The following MAB21L4 variants were observed in gnomAD, a reference collection of about 807,000 sequenced individuals.
MAB21L4 encodes the protein mab-21 like 4.
In MAB21L4, 25 loss-of-function variants were observed where a neutral mutation model predicts 32.4. The ratio of observed to expected loss-of-function variants is 0.77; its 90% CI spans 0.56 to 1.08. The LOEUF is 1.08. Among genes scored for constraint, MAB21L4 ranks in the 50% least tolerant of loss-of-function variants. MAB21L4 has a pLI of 0.00. For synonymous variants in MAB21L4, 280 were observed against 276.8 expected (o/e 1.01, Z -0.11); for missense variants, 638 against 611.0 (o/e 1.04, Z -0.47).
chr2:240,889,286 G>T (rs1245793045), intron 3 of MAB21L4, among the ~76,000 whole-genome samples: 1 of 152,228 alleles, frequency 6.6e-6, no homozygotes, highest in South Asian at 2.1e-4. Flanking sequence ...TCAGGTGGGG[G>T]CCTGAGAGGG....
intron 1 of MAB21L4, chr2:240,892,116 C>G: frequency 7.7e-7 from 1 of 1,293,862 alleles, no homozygotes. Context: ...GCCTGCTGTG[C>G]CTTCCCAGGC....
intron 2 of MAB21L4, among the ~76,000 whole-genome samples, chr2:240,890,982 G>C (rs965944261): frequency 6.6e-6 from 1 of 152,216 alleles, no homozygotes; most frequent in Non-Finnish European, 1.5e-5. Flanking sequence ...ACTGACGAGC[G>C]TGGATTCAAC....
chr2:240,888,307 G>C lies in MAB21L4; in HGVS notation c.1236C>G (p.Asp412Glu), dbSNP rs372428298. ...DPTYWATAYF[D>E]VLLDKFQVFN... is the part of the protein sequence containing the mutation. ...CAGCACCCACCTTGTCCAGCAGGAC[G>C]TCGAAGTAGGCAGTGGCCCAGTAAG... Residue 412 changes from aspartate to glutamate, a missense_variant, in exon 4 of 5, where the codon GAC becomes GAG. Transcript: ENST00000388934. 6.4e-7 allele frequency: 1 copy of C among 1,569,770 alleles called. No homozygotes were observed. Among genetic ancestry groups the C allele is most frequent in the South Asian group, 1.2e-5 (1 of 83,472 alleles).
intron 2 of MAB21L4, among the ~76,000 whole-genome samples, chr2:240,890,647 G>C (rs1373271409): frequency 6.6e-6 from 1 of 152,214 alleles, no homozygotes; most frequent in Non-Finnish European, 1.5e-5. Context: ...AGGTGGTGGA[G>C]CCTTGGCAAT....
At chr2:240,896,325 GCC>G (rs1376308177), upstream of MAB21L4, among the ~76,000 whole-genome samples, 1 of 152,176 alleles carries the variant, frequency 6.6e-6, no homozygotes, top group Non-Finnish European at 1.5e-5. Flanking sequence ...CCAAGGCACG[GCC>G]CCTGTCCCAG....
intron 1 of MAB21L4, chr2:240,892,094 C>A (rs1248001032): frequency 2.1e-6 from 3 of 1,405,666 alleles, no homozygotes; most frequent in South Asian, 3.1e-5. Flanking sequence ...TCACCCCACA[C>A]CCCAGGACCA....
At chr2:240,893,232 G>A (rs2106440713) in intron 1 of MAB21L4, among the ~76,000 whole-genome samples, 1 of 152,310 alleles carries the variant, frequency 6.6e-6, no homozygotes, top group East Asian at 1.9e-4. Flanking sequence ...ACCGCCCCAG[G>A]GTCCTTCCGG....
At position 240,888,655 on chromosome 2, in the gene MAB21L4, G is replaced by T; in HGVS notation, c.895-7C>A. ...AGGCCCACAGCAGCACCATCTGCAG[G>T]ACAGCAGGGTCAGCCCTGGCCTCCT... On this transcript the variant is annotated splice_polypyrimidine_tract_variant and splice_region_variant and intron_variant, in intron 3 of 4. Transcript: ENST00000388934. The T allele has an allele frequency of 5.9e-6, 9 of 1,537,378 alleles. No homozygotes were observed. Among genetic ancestry groups the T allele is most frequent in the Non-Finnish European group, 7.0e-6 (8 of 1,141,206 alleles).
rs2059095701 is a variant in MAB21L4, at chr2:240,886,464, G to A, written c.*606C>T. 6.6e-6 allele frequency: 1 copy of A among 152,314 alleles called. No individual in the cohort carries two copies. The highest frequency in any genetic ancestry group is 1.5e-5 in the Non-Finnish European group (1 of 68,184). The allele number at this position is 152,314 out of a possible 1,614,324, so 9.4% of individuals were successfully genotyped here. ...GAAGAAGCAGATGGGAGTAGTCCTG[G>A]GCAGGTGGGCTCATGGCTGTGTGTG... On this transcript the variant is annotated 3_prime_UTR_variant, in exon 5 of 5. Coordinates refer to ENST00000388934, the MANE Select transcript of MAB21L4 (RefSeq NM_001085437.3).
rs912153051 is a variant in MAB21L4 at position 240,889,726 on chromosome 2, C to T, written c.894+279G>A. Among the ~76,000 whole-genome samples the T allele has an allele frequency of 1.2e-4, 18 of 152,202 alleles. 1 individual carries two copies. The highest frequency in any genetic ancestry group is 8.8e-5 in the Non-Finnish European group (6 of 68,026). On this transcript the variant is annotated intron_variant, in intron 3 of 4. Coordinates refer to ENST00000388934, the MANE Select transcript of MAB21L4 (RefSeq NM_001085437.3). Reference sequence around the variant, plus strand: ...GTGAGGCCCCACCCTGAGATTCTACCCAACAGTGTCCCAGGGCCAGGAGGG... The same window carrying T: ...GTGAGGCCCCACCCTGAGATTCTACTCAACAGTGTCCCAGGGCCAGGAGGG...
chr2:240,892,154 G>T, intron 1 of MAB21L4: 1 of 963,998 alleles, frequency 1.0e-6, no homozygotes. Flanking sequence ...CTCTGCCCCA[G>T]CCCTGGGGCC....
At position 240,888,485 on chromosome 2, in the gene MAB21L4, AG is replaced by A. The variant is rs1559576219; in HGVS notation, c.1057del (p.Leu353TrpfsTer180). 6.2e-7 allele frequency: 1 copy of A among 1,602,432 alleles called. No individual in the cohort carries two copies. Among genetic ancestry groups the A allele is most frequent in the South Asian group, 1.1e-5 (1 of 90,070 alleles). On this transcript the variant is annotated frameshift_variant, in exon 4 of 5. Transcript: ENST00000388934. LOFTEE classifies it high-confidence loss of function. ...GCGCTGGTAGATGGCACCAAGGTCC[AG>A]GCCGCTGCCCTGCAGCAGGTTGCGC... ...PQRNLLQGSG[L>X]DLGAIYQRVE...
Position 240,895,533 on chromosome 2 carries a change from C to G in MAB21L4, c.465G>C (p.Leu155=). 1 of 1,601,986 alleles carries G rather than the reference C, an allele frequency of 6.2e-7. No individual in the cohort carries two copies. Among genetic ancestry groups the G allele is most frequent in the South Asian group, 1.1e-5 (1 of 89,776 alleles). The change falls in exon 1 of 5, where the codon CTG becomes CTC. Residue 155 remains leucine, a synonymous_variant. Coordinates refer to ENST00000388934, the MANE Select transcript of MAB21L4 (RefSeq NM_001085437.3). ...PSKVLCVLKD[L]LVAAIVHCKH... ...TGCAGTGTACGATGGCTGCTACCAG[C>G]AGGTCCTTGAGGACACACAGGACCT...
chr2:240,892,009 G>A, intron 1 of MAB21L4: 1 of 1,505,278 alleles, frequency 6.6e-7, no homozygotes, highest in East Asian at 2.5e-5. Context: ...CGGCACAACT[G>A]TCAGCTCAGC....
At chr2:240,890,982 G>A (rs965944261) in intron 2 of MAB21L4, among the ~76,000 whole-genome samples, 1 of 152,334 alleles carries the variant, frequency 6.6e-6, no homozygotes, top group African/African-American at 2.4e-5. Context: ...ACTGACGAGC[G>A]TGGATTCAAC....
At position 240,888,801 on chromosome 2, in the gene MAB21L4, G is replaced by A. The variant is rs2059119906; in HGVS notation, c.895-153C>T. On this transcript the variant is annotated intron_variant, in intron 3 of 4. Coordinates refer to ENST00000388934, the MANE Select transcript of MAB21L4 (RefSeq NM_001085437.3). ...CCCTCCCCTCCACGTCCCAGTCGGA[G>A]TCCCAGGCCCCTCCCACCCGCTGCC... is the stretch of plus-strand genomic sequence containing the variant. 1.3e-5 allele frequency among the ~76,000 whole-genome samples: 2 copies of A among 151,036 alleles called. 1 individual carries two copies. The highest frequency in any genetic ancestry group is 4.2e-4 in the South Asian group (2 of 4,766).
rs2059115776 is a variant in MAB21L4 at position 240,888,484 on chromosome 2, C to A, written c.1059G>T (p.Leu353=). ...PQRNLLQGSG[L]DLGAIYQRVE... is the part of the protein sequence containing the mutation. The stretch of plus-strand genomic sequence containing the variant: ...CGCGCTGGTAGATGGCACCAAGGTC[C>A]AGGCCGCTGCCCTGCAGCAGGTTGC... Residue 353 remains leucine (L), a synonymous_variant, in exon 4 of 5, where the codon CTG becomes CTT. Transcript: ENST00000388934. The A allele has an allele frequency of 1.2e-6, 2 of 1,601,936 alleles. No individual in the cohort carries two copies. Among genetic ancestry groups the A allele is most frequent in the East Asian group, 2.2e-5 (1 of 44,582 alleles).
intron 1 of MAB21L4, among the ~76,000 whole-genome samples, chr2:240,892,723 C>T (rs1006509712): frequency 2.6e-5 from 4 of 152,182 alleles, no homozygotes; most frequent in Admixed American, 2.0e-4. Context: ...AGCCCTTGCC[C>T]GAGAGCCCCA....
At chr2:240,891,994 GTCC>G in intron 1 of MAB21L4, 2 of 1,523,278 alleles carry the variant, frequency 1.3e-6, no homozygotes, top group South Asian at 1.2e-5. Flanking sequence ...AATGGTGACA[GTCC>G]TCGGCACAAC....
Sources: allele counts gnomAD v4.1 joint callset (sites outside exome capture counted in the v4.1 genomes callset), GRCh38; gene constraint gnomAD v4.1.1; transcripts MANE v1.5; gene names NCBI Gene and HGNC (gene_info 2026-07-23, HGNC 2026-07-21).